The following PDK1 variants were observed in gnomAD, a reference collection of about 807,000 sequenced individuals.
The protein encoded by PDK1 is pyruvate dehydrogenase kinase 1, also known as [Pyruvate dehydrogenase (acetyl-transferring)] kinase isozyme 1, mitochondrial.
A neutral mutation model predicts 54.2 loss-of-function variants in PDK1; 39 were observed. The ratio of observed to expected loss-of-function variants is 0.72; its 90% CI spans 0.56 to 0.94. PDK1 has a LOEUF of 0.94. Ranked by LOEUF, PDK1 falls within the 40% of genes least tolerant of loss-of-function variation. PDK1 has a pLI of 0.00. For synonymous variants in PDK1, 221 were observed against 207.1 expected, an observed-to-expected ratio of 1.07 and a Z score of -0.58; for missense variants, 552 against 566.0, an observed-to-expected ratio of 0.98 and a Z score of 0.25.
chr2:172,713,462 C>G, the PDK1 span, among the ~76,000 whole-genome samples: 1 of 152,196 alleles, frequency 6.6e-6, no homozygotes, highest in African/African-American at 2.4e-5. Context: ...AGGCCCGTGC[C>G]GAGCTGCCCA....
At chr2:172,702,247 C>T in the PDK1 span, among the ~76,000 whole-genome samples, 2 of 152,056 alleles carry the variant, frequency 1.3e-5, no homozygotes, top group Admixed American at 6.5e-5. Context: ...GAGGCCGAAG[C>T]GGGCAGATTA....
intron 8 of PDK1, among the ~76,000 whole-genome samples, chr2:172,579,450 A>G (rs1689760590): frequency 6.6e-6 from 1 of 151,576 alleles, no homozygotes; most frequent in African/African-American, 2.4e-5. Context: ...AGATTGCTGC[A>G]TGCCTTTAGT....
At chr2:172,656,626 C>T in the PDK1 span, among the ~76,000 whole-genome samples, 1 of 152,018 alleles carries the variant, frequency 6.6e-6, no homozygotes, top group Non-Finnish European at 1.5e-5. Flanking sequence ...TTCCCCCATG[C>T]GGCTGTATGT....
the PDK1 span, among the ~76,000 whole-genome samples, chr2:172,669,146 G>A: frequency 1.5e-5 from 2 of 132,964 alleles, no homozygotes; most frequent in Non-Finnish European, 3.1e-5. Flanking sequence ...TGCAAGCTCC[G>A]CCTCCCGGGT....
At chr2:172,629,216 C>T in the PDK1 span, among the ~76,000 whole-genome samples, 3 of 152,224 alleles carry the variant, frequency 2.0e-5, no homozygotes, top group East Asian at 5.8e-4. Flanking sequence ...AGAGGGTGGT[C>T]CCCAGCGAGG....
At chr2:172,715,286 A>T in the PDK1 span, among the ~76,000 whole-genome samples, 19 of 152,144 alleles carry the variant, frequency 1.2e-4, no homozygotes, top group Non-Finnish European at 2.2e-4. Context: ...GTGACTGGGA[A>T]TGAGGAACTG....
chr2:172,556,585 T>A, intron 1 of PDK1: 2 of 356,664 alleles, frequency 5.6e-6, no homozygotes, highest in African/African-American at 2.1e-5. Flanking sequence ...ACAAACCAGC[T>A]GGGCCGCGGG....
intron 8 of PDK1, among the ~76,000 whole-genome samples, chr2:172,585,882 C>T (rs747546559): frequency 5.9e-5 from 9 of 152,078 alleles, no homozygotes; most frequent in Non-Finnish European, 1.2e-4. Flanking sequence ...AAGCAGCACT[C>T]AGGCTGGGTG....
chr2:172,571,823 C>CGTT (rs765005051), intron 8 of PDK1, among the ~76,000 whole-genome samples: 6,083 of 99,740 alleles, frequency 0.061, 655 homozygotes, highest in Non-Finnish European at 0.069. Flanking sequence ...TCTTTCTTTA[C>CGTT]TTTTTTTTTT....
the PDK1 span, among the ~76,000 whole-genome samples, chr2:172,711,252 G>A: frequency 6.6e-6 from 1 of 152,176 alleles, no homozygotes; most frequent in Non-Finnish European, 1.5e-5. Context: ...TAGTGTGTCA[G>A]TGTGTTTCCA....
rs752530543 is a variant in PDK1, at chr2:172,604,918, TTCTTA to T, written c.*8954_*8958del. 2.6e-5 allele frequency: 4 copies of T among 152,236 alleles called. No individual in the cohort carries two copies. The highest frequency in any genetic ancestry group is 6.5e-5 in the Admixed American group (1 of 15,272). The allele number at this position is 152,236 out of a possible 1,614,324, so 9.4% of individuals were successfully genotyped here. A position where few individuals can be genotyped will look rare whatever the true frequency, so the allele number is the denominator to read the frequency against. ...GCATTGATCTCTGATGCCCTTTTCT[TTCTTA>T]TCTTCCAAATGGCAGGCAGTAAATG... is the stretch of plus-strand genomic sequence containing the variant. On this transcript the variant is annotated 3_prime_UTR_variant, in exon 11 of 11. Transcript: ENST00000282077.
chr2:172,688,126 A>G, the PDK1 span, among the ~76,000 whole-genome samples: 8 of 152,220 alleles, frequency 5.3e-5, no homozygotes, highest in Admixed American at 1.3e-4. Flanking sequence ...ACACACTGCC[A>G]TAGAGTTCTC....
the PDK1 span, among the ~76,000 whole-genome samples, chr2:172,704,218 C>T: frequency 5.9e-5 from 9 of 152,152 alleles, no homozygotes; most frequent in East Asian, 1.9e-4. Context: ...GACACTCCAA[C>T]GGCTCCTGGC....
intron 4 of PDK1, 141 bp from the exon 5 acceptor site, chr2:172,564,837 G>A: frequency 2.3e-6 from 2 of 851,128 alleles, no homozygotes; most frequent in Middle Eastern, 3.1e-4. Context: ...CAAGAAAGGT[G>A]TTTTTATTGA....
the PDK1 span, among the ~76,000 whole-genome samples, chr2:172,711,929 T>C: frequency 7.5e-5 from 11 of 146,038 alleles, no homozygotes; most frequent in East Asian, 1.5e-3. Context: ...GAAGAGATTA[T>C]AGAACATTTA....
downstream of PDK1, among the ~76,000 whole-genome samples, chr2:172,611,082 G>A (rs745620845): frequency 5.5e-5 from 8 of 146,334 alleles, no homozygotes; most frequent in East Asian, 2.1e-4. Context: ...TTTTGGTAGC[G>A]TATAAAGCCA....
the PDK1 span, among the ~76,000 whole-genome samples, chr2:172,682,056 G>A: frequency 6.6e-6 from 1 of 152,244 alleles, no homozygotes; most frequent in Non-Finnish European, 1.5e-5. Context: ...ACCACGCCCA[G>A]CCAGGAATTA....
chr2:172,563,663 G>T (rs1275491694), intron 3 of PDK1, among the ~76,000 whole-genome samples: 1 of 152,090 alleles, frequency 6.6e-6, no homozygotes, highest in African/African-American at 2.4e-5. Flanking sequence ...GAGAAACCCT[G>T]TCTCTACTAA....
the PDK1 span, among the ~76,000 whole-genome samples, chr2:172,644,225 A>C: frequency 2.6e-5 from 4 of 152,226 alleles, no homozygotes; most frequent in African/African-American, 9.6e-5. Context: ...ACCAGAAAAA[A>C]ACTTCAAGGA....
Sources: allele counts gnomAD v4.1 joint callset (sites outside exome capture counted in the v4.1 genomes callset), GRCh38; gene constraint gnomAD v4.1.1; transcripts MANE v1.5; gene names NCBI Gene and HGNC (gene_info 2026-07-23, HGNC 2026-07-21).